The following MECOM variants were observed in gnomAD, a reference collection of about 807,000 sequenced individuals.
MECOM encodes the protein histone-lysine N-methyltransferase MECOM.
A neutral mutation model predicts 116.3 loss-of-function variants in MECOM; 13 were observed. That is an observed-to-expected ratio of 0.11 (90% CI 0.07 to 0.18). The LOEUF (loss-of-function observed/expected upper bound fraction) is 0.18, where lower values mean the gene tolerates loss of function less well. Ranked by LOEUF, MECOM falls within the 10% of genes least tolerant of loss-of-function variation. MECOM has a pLI of 1.00. For synonymous variants in MECOM, 528 were observed against 535.2 expected, an observed-to-expected ratio of 0.99 and a Z score of 0.19; for missense variants, 1,299 against 1,509.0, an observed-to-expected ratio of 0.86 and a Z score of 2.31.
At chr3:169,099,918 A>G (rs920836219) in intron 12 of MECOM, among the ~76,000 whole-genome samples, 1 of 152,050 alleles carries the variant, frequency 6.6e-6, no homozygotes, top group Non-Finnish European at 1.5e-5. Context: ...AATGTGTCAT[A>G]TGACTAATTT....
intron 2 of MECOM, among the ~76,000 whole-genome samples, chr3:169,269,971 T>TGG (rs528921704): frequency 1.4e-5 from 2 of 147,704 alleles, no homozygotes; most frequent in Admixed American, 6.6e-5. Flanking sequence ...TATAAAGGTG[T>TGG]GTGTGTGTGT....
chr3:169,387,435 C>T (rs890420133), intron 1 of MECOM, among the ~76,000 whole-genome samples: 5 of 152,320 alleles, frequency 3.3e-5, no homozygotes, highest in South Asian at 2.1e-4. Flanking sequence ...CCTAGTTTAA[C>T]TGCAAATCTG....
At chr3:169,088,845 A>C (rs1718704847) in intron 16 of MECOM, among the ~76,000 whole-genome samples, 155 bp downstream of exon 16, 1 of 152,210 alleles carries the variant, frequency 6.6e-6, no homozygotes, top group South Asian at 2.1e-4. Context: ...TTGGTCATAA[A>C]TACAGTAAAG....
In MECOM at chr3:169,089,069, C is replaced by T. The variant is rs1247389519; in HGVS notation, c.3516G>A (p.Leu1172=). Residue 1172 remains leucine (L), a synonymous_variant, in exon 16 of 17, where the codon CTG becomes CTA. Coordinates refer to ENST00000651503, the MANE Select transcript of MECOM (RefSeq NM_004991.4). ...MEDNQYSEAE[L]SSFSTSHVPE... is the part of the protein sequence containing the mutation. ...GCACATGGGAAGTACTAAAAGAAGA[C>T]AGCTCAGCTTCAGAATATTGATTAT... 2.5e-6 allele frequency: 4 copies of T among 1,610,512 alleles called. No individual in the cohort carries two copies. In the Admixed American group the frequency reaches 6.7e-5, roughly 27 times the overall value.
intron 2 of MECOM, 35 bp downstream of exon 2, chr3:169,381,152 A>G: frequency 6.5e-7 from 1 of 1,528,936 alleles, no homozygotes; most frequent in Non-Finnish European, 8.9e-7. Flanking sequence ...CACAGCTGCA[A>G]TATATAAATG....
At chr3:169,268,215 A>C (rs1214211920) in intron 2 of MECOM, among the ~76,000 whole-genome samples, 1 of 152,182 alleles carries the variant, frequency 6.6e-6, no homozygotes, top group East Asian at 1.9e-4. Flanking sequence ...TGTATGTCTA[A>C]GTTTATGGCG....
intron 1 of MECOM, among the ~76,000 whole-genome samples, chr3:169,570,421 C>T (rs960416466): frequency 1.2e-4 from 19 of 152,148 alleles, no homozygotes; most frequent in Non-Finnish European, 4.4e-5. Context: ...CAAAGAGGAG[C>T]TCATACCATT....
At chr3:169,189,580 C>T (rs1412935618) in intron 2 of MECOM, among the ~76,000 whole-genome samples, 1 of 152,034 alleles carries the variant, frequency 6.6e-6, no homozygotes, top group East Asian at 1.9e-4. Flanking sequence ...GAAAGTAATT[C>T]ACTTATTGGC....
chr3:169,540,268 T>A (rs186855539), intron 1 of MECOM, among the ~76,000 whole-genome samples: 18 of 152,238 alleles, frequency 1.2e-4, no homozygotes, highest in Middle Eastern at 3.4e-3. Context: ...CCCCTGAGAT[T>A]TTTTTCTCCC....
chr3:169,124,261 T>C (rs1382991359), intron 5 of MECOM, among the ~76,000 whole-genome samples: 1 of 152,074 alleles, frequency 6.6e-6, no homozygotes, highest in Non-Finnish European at 1.5e-5. Flanking sequence ...GAGAAAGATG[T>C]TAACACCACA....
chr3:169,262,286 T>C (rs1046834779), intron 2 of MECOM, among the ~76,000 whole-genome samples: 1 of 152,204 alleles, frequency 6.6e-6, no homozygotes, highest in Admixed American at 6.5e-5. Flanking sequence ...AACAGGAGAA[T>C]AAGGCTTTGC....
rs1182415382 is a variant in MECOM at position 169,663,636 on chromosome 3, A to T, written c.-264T>A. ...TCCCTCTCTCCCTTTCTCTCAATCC[A>T]CACTCGCTATCTCTCCAGCATTGTC... is the stretch of plus-strand genomic sequence containing the variant. On this transcript the variant is annotated 5_prime_UTR_variant, in exon 1 of 17. Coordinates refer to ENST00000651503, the MANE Select transcript of MECOM (RefSeq NM_004991.4). 2 of 551,954 alleles carry T rather than the reference A, an allele frequency of 3.6e-6. No homozygotes were observed. Among genetic ancestry groups the T allele is most frequent in the Non-Finnish European group, 6.4e-6 (2 of 310,346 alleles). The allele number at this position is 551,954 out of a possible 1,614,324, so 34.2% of individuals were successfully genotyped here. A position where few individuals can be genotyped will look rare whatever the true frequency, so the allele number is the denominator to read the frequency against.
chr3:169,619,291 G>A (rs1331030324), intron 1 of MECOM, among the ~76,000 whole-genome samples: 2 of 152,156 alleles, frequency 1.3e-5, no homozygotes, highest in African/African-American at 4.8e-5. Context: ...GCCAGGGGAG[G>A]GATTACTGCT....
chr3:169,259,311 G>A (rs547701837), intron 2 of MECOM, among the ~76,000 whole-genome samples: 31 of 152,232 alleles, frequency 2.0e-4, no homozygotes, highest in Non-Finnish European at 3.8e-4. Context: ...TGAAGATACC[G>A]ACACCGGCTC....
rs189945350 is a variant in MECOM at position 169,416,067 on chromosome 3, T to C, written c.38-34543A>G. ...AACTCTCCACCCCAGATCAAAGTAA[T>C]AGACATTCTTCTCAGCAACACATAG... On this transcript the variant is annotated intron_variant, in intron 1 of 16. Coordinates refer to ENST00000651503, the MANE Select transcript of MECOM (RefSeq NM_004991.4). Among the ~76,000 whole-genome samples the C allele has an allele frequency of 1.2e-3, 183 of 152,294 alleles. 1 individual carries two copies. The highest frequency in any genetic ancestry group is 4.3e-3 in the African/African-American group (177 of 41,554).
chr3:169,643,345 C>T (rs1182538374), intron 1 of MECOM, among the ~76,000 whole-genome samples: 1 of 152,146 alleles, frequency 6.6e-6, no homozygotes. Flanking sequence ...CAAATATGAG[C>T]CTTTAAATAT....
chr3:169,359,667 G>T (rs1727869463), intron 2 of MECOM, among the ~76,000 whole-genome samples: 1 of 151,676 alleles, frequency 6.6e-6, no homozygotes, highest in African/African-American at 2.4e-5. Context: ...ATCTTCAAAG[G>T]AGAATCTCCA....
chr3:169,604,372 T>C (rs1577074794), intron 1 of MECOM, among the ~76,000 whole-genome samples: 1 of 152,338 alleles, frequency 6.6e-6, no homozygotes, highest in East Asian at 1.9e-4. Context: ...ATTTAGTTCA[T>C]GCTTCTCATT....
chr3:169,098,433 G>T (rs1722441765), intron 12 of MECOM, among the ~76,000 whole-genome samples: 1 of 152,150 alleles, frequency 6.6e-6, no homozygotes, highest in African/African-American at 2.4e-5. Flanking sequence ...TTATTAGAGT[G>T]AGGTTATAAA....
Sources: allele counts gnomAD v4.1 joint callset (sites outside exome capture counted in the v4.1 genomes callset), GRCh38; gene constraint gnomAD v4.1.1; transcripts MANE v1.5; gene names NCBI Gene and HGNC (gene_info 2026-07-23, HGNC 2026-07-21).